The following DLG2 variants were observed in gnomAD, a reference collection of about 807,000 sequenced individuals.
DLG2 encodes the protein discs large MAGUK scaffold protein 2.
A neutral mutation model predicts 132.5 loss-of-function variants in DLG2; 45 were observed. That is an observed-to-expected ratio of 0.34 (90% confidence interval 0.27 to 0.44). The LOEUF is 0.44. Ranked by LOEUF, DLG2 falls within the 20% of genes least tolerant of loss-of-function variation. The pLI is 1.00. For synonymous variants in DLG2, 424 were observed against 419.6 expected, an observed-to-expected ratio of 1.01 and a Z score of -0.13; for missense variants, 1,045 against 1,196.9, an observed-to-expected ratio of 0.87 and a Z score of 1.87.
intron 9 of DLG2, among the ~76,000 whole-genome samples, chr11:84,133,640 CTT>C (rs2094500079): frequency 6.6e-6 from 1 of 151,656 alleles, no homozygotes; most frequent in East Asian, 1.9e-4. Flanking sequence ...TCTTCTTCTT[CTT>C]CTACTTCTTC....
intron 7 of DLG2, among the ~76,000 whole-genome samples, chr11:84,373,995 C>T (rs1038240208): frequency 1.3e-5 from 2 of 152,142 alleles, no homozygotes; most frequent in East Asian, 3.9e-4. Flanking sequence ...TACATGAACA[C>T]ATTTGCTCTG....
In DLG2 at chr11:83,926,650, T is replaced by G. The variant is rs559729877; in HGVS notation, c.1496+3678A>C. On this transcript the variant is annotated intron_variant, in intron 15 of 27. Coordinates refer to ENST00000376104, the MANE Select transcript of DLG2 (RefSeq NM_001142699.3). Reference sequence around the variant, plus strand: ...ATTCTAGAATATTTATATTTAACCATGAGGTGTAATAAGACGTAGACTGTG... The same window carrying G: ...ATTCTAGAATATTTATATTTAACCAGGAGGTGTAATAAGACGTAGACTGTG... Among the ~76,000 whole-genome samples the G allele has an allele frequency of 3.9e-5, 6 of 152,230 alleles. No individual in the cohort carries two copies. In the East Asian group the frequency reaches 9.7e-4, roughly 24 times the overall value.
At chr11:83,926,761 G>A (rs886193948) in intron 15 of DLG2, among the ~76,000 whole-genome samples, 1 of 152,052 alleles carries the variant, frequency 6.6e-6, no homozygotes, top group Non-Finnish European at 1.5e-5. Flanking sequence ...ACTTCCGAGG[G>A]TCTATATGTT....
chr11:85,233,465 C>A (rs2075407702), intron 4 of DLG2, among the ~76,000 whole-genome samples: 1 of 151,852 alleles, frequency 6.6e-6, no homozygotes, highest in Non-Finnish European at 1.5e-5. Context: ...CTCCATCAGC[C>A]ATTTATAGCA....
intron 7 of DLG2, among the ~76,000 whole-genome samples, chr11:84,384,755 A>ACC (rs2098762339): frequency 6.6e-6 from 1 of 151,944 alleles, no homozygotes; most frequent in Admixed American, 6.6e-5. Context: ...AAAACCTAAG[A>ACC]CATGTTGTTC....
intron 6 of DLG2, among the ~76,000 whole-genome samples, chr11:85,018,345 A>C (rs1003488909): frequency 6.6e-6 from 1 of 152,284 alleles, no homozygotes; most frequent in Non-Finnish European, 1.5e-5. Flanking sequence ...TCAACACTTT[A>C]TATGTACCTG....
chr11:84,565,321 T>C (rs1218326699), intron 6 of DLG2, among the ~76,000 whole-genome samples: 2 of 152,110 alleles, frequency 1.3e-5, no homozygotes, highest in South Asian at 2.1e-4. Flanking sequence ...CTATAGGGAT[T>C]TGGGTCTAAA....
chr11:84,741,028 G>GCTGAC (rs2064555017), intron 6 of DLG2, among the ~76,000 whole-genome samples: 1 of 150,096 alleles, frequency 6.7e-6, no homozygotes, highest in South Asian at 2.1e-4. Flanking sequence ...TGCGCCCCAG[G>GCTGAC]CTGACCAAAC....
At chr11:84,638,445 C>T (rs531496024) in intron 6 of DLG2, among the ~76,000 whole-genome samples, 1 of 152,246 alleles carries the variant, frequency 6.6e-6, no homozygotes, top group African/African-American at 2.4e-5. Flanking sequence ...AAATAGGTGA[C>T]AGTCCCATTT....
chr11:83,886,865 A>G (rs1008517443), intron 15 of DLG2, among the ~76,000 whole-genome samples: 2 of 150,444 alleles, frequency 1.3e-5, no homozygotes, highest in African/African-American at 4.8e-5. Context: ...ACATAACGAA[A>G]TGAAGGCAGA....
At chr11:84,262,030 T>C (rs2097553813) in intron 7 of DLG2, among the ~76,000 whole-genome samples, 1 of 152,184 alleles carries the variant, frequency 6.6e-6, no homozygotes, top group Non-Finnish European at 1.5e-5. Context: ...GAAAGACTCC[T>C]CTATGCTAAT....
chr11:83,522,323 T>A (rs2095501967), intron 21 of DLG2, among the ~76,000 whole-genome samples: 1 of 52,270 alleles, frequency 1.9e-5, no homozygotes, highest in Non-Finnish European at 3.6e-5. Context: ...TATGTATGTG[T>A]GTGGTGTGTA....
chr11:83,529,331 C>T (rs2095682796), intron 21 of DLG2, among the ~76,000 whole-genome samples: 1 of 152,140 alleles, frequency 6.6e-6, no homozygotes, highest in Admixed American at 6.6e-5. Context: ...TAGTTGTTCT[C>T]TCCTTTCCTC....
intron 6 of DLG2, among the ~76,000 whole-genome samples, chr11:84,770,137 T>C (rs1414736943): frequency 6.6e-6 from 1 of 152,112 alleles, no homozygotes; most frequent in Non-Finnish European, 1.5e-5. Flanking sequence ...TAAAAGTGTG[T>C]AGCACCTCCC....
At chr11:84,222,291 C>T (rs1420255177) in intron 8 of DLG2, among the ~76,000 whole-genome samples, 2 of 152,176 alleles carry the variant, frequency 1.3e-5, no homozygotes, top group African/African-American at 4.8e-5. Context: ...CTTGGCCTCC[C>T]AAAGTGCTGG....
At chr11:83,888,756 A>T (rs2154083216) in intron 15 of DLG2, among the ~76,000 whole-genome samples, 1 of 152,300 alleles carries the variant, frequency 6.6e-6, no homozygotes, top group Admixed American at 6.5e-5. Flanking sequence ...ACCAAAACAG[A>T]GATATAGATC....
chr11:84,319,908 T>C (rs1348526804), intron 7 of DLG2, among the ~76,000 whole-genome samples: 1 of 152,150 alleles, frequency 6.6e-6, no homozygotes, highest in East Asian at 1.9e-4. Context: ...TATCTTTCCC[T>C]CCCCACAAAC....
chr11:84,826,420 T>C (rs1383778454), intron 6 of DLG2, among the ~76,000 whole-genome samples: 2 of 151,796 alleles, frequency 1.3e-5, no homozygotes, highest in Admixed American at 6.6e-5. Flanking sequence ...TAAGAGATGG[T>C]CTAGGAGAGC....
At chr11:84,055,801 T>C (rs1302865105) in intron 11 of DLG2, among the ~76,000 whole-genome samples, 1 of 152,086 alleles carries the variant, frequency 6.6e-6, no homozygotes, top group African/African-American at 2.4e-5. Flanking sequence ...ATAGGTGTTT[T>C]CCCCACCAGG....
Sources: gnomAD v4.1 joint callset for allele counts (sites outside exome capture counted in the v4.1 genomes callset) on GRCh38, gnomAD v4.1.1 for gene constraint, MANE v1.5 for transcripts, NCBI Gene and HGNC (gene_info 2026-07-23, HGNC 2026-07-21) for gene names.